The following SYTL2 variants were observed in gnomAD, a reference collection of about 807,000 sequenced individuals.
SYTL2 encodes the protein synaptotagmin like 2, also known as synaptotagmin-like protein 2.
Under a neutral mutation model 198.7 loss-of-function variants are expected in SYTL2, and 165 were observed. The observed-to-expected ratio is 0.83, with a 90% CI of 0.73 to 0.94. The LOEUF (loss-of-function observed/expected upper bound fraction) is 0.94. SYTL2 is among the 40% of genes least tolerant of loss of function. SYTL2 has a pLI of 0.00. For missense variants in SYTL2, 2,835 were observed against 2,582.8 expected (o/e 1.10, Z -2.12); for synonymous variants, 966 against 917.7 (o/e 1.05, Z -0.95).
chr11:85,833,317 TA>T, the SYTL2 span, among the ~76,000 whole-genome samples: 1 of 148,262 alleles, frequency 6.7e-6, no homozygotes, highest in Non-Finnish European at 1.5e-5. Flanking sequence ...ATCATATATA[TA>T]CACAATATAT....
chr11:85,844,877 C>T, the SYTL2 span, among the ~76,000 whole-genome samples: 2 of 152,150 alleles, frequency 1.3e-5, no homozygotes, highest in African/African-American at 4.8e-5. Flanking sequence ...TCAGAGGACC[C>T]GCCATGATTT....
At chr11:85,717,556 T>G (rs760018117) in intron 10 of SYTL2, 26 bp from the exon 11 acceptor site, 27 of 1,592,476 alleles carry the variant, frequency 1.7e-5, no homozygotes, top group Non-Finnish European at 2.2e-5. Flanking sequence ...ACATTGAGAA[T>G]AAATACCATT....
intron 11 of SYTL2, chr11:85,716,135 A>G (rs2153440250): frequency 6.6e-6 from 1 of 152,324 alleles, no homozygotes; most frequent in South Asian, 2.1e-4. Context: ...ATCATGAATA[A>G]AGATACAGAT....
chr11:85,766,423 T>A (rs911937291), intron 1 of SYTL2, among the ~76,000 whole-genome samples: 4 of 152,218 alleles, frequency 2.6e-5, no homozygotes, highest in Admixed American at 2.6e-4. Flanking sequence ...GACGGCAGTC[T>A]ACAAAAGGGG....
At chr11:85,789,338 GTGTATA>G (rs1410184386) in intron 1 of SYTL2, among the ~76,000 whole-genome samples, 17 of 27,090 alleles carry the variant, frequency 6.3e-4, no homozygotes, top group Non-Finnish European at 1.1e-3. Flanking sequence ...GTGTGTGTGT[GTGTATA>G]TATATATATA....
At position 85,734,686 on chromosome 11, in the gene SYTL2, A is replaced by G; in HGVS notation, c.643T>C (p.Leu215=). Residue 215 remains leucine (L), a synonymous_variant, in exon 7 of 20, where the codon TTA becomes CTA. Coordinates refer to ENST00000359152, the MANE Select transcript of SYTL2 (RefSeq NM_206927.4). The part of the protein sequence containing the change: ...STVADTSIQK[L]EKSKQTLPGL... ...GGCAAAGTCTGCTTTGATTTCTCTA[A>G]CTTTTGGATTGAAGTATCTGCGACA... The G allele has an allele frequency of 1.2e-6, 2 of 1,613,962 alleles. No individual in the cohort carries two copies. The highest frequency in any genetic ancestry group is 1.7e-6 in the Non-Finnish European group (2 of 1,179,962).
At chr11:85,796,022 T>C (rs988967777) in intron 1 of SYTL2, among the ~76,000 whole-genome samples, 5 of 152,204 alleles carry the variant, frequency 3.3e-5, no homozygotes, top group Non-Finnish European at 7.3e-5. Flanking sequence ...AGCCTTAACA[T>C]TCACTGAGGC....
At chr11:85,840,831 C>A in the SYTL2 span, among the ~76,000 whole-genome samples, 1 of 152,032 alleles carries the variant, frequency 6.6e-6, no homozygotes, top group African/African-American at 2.4e-5. Flanking sequence ...ATGAAGACAC[C>A]AAAAGCAATT....
Position 85,711,569 on chromosome 11 carries a change from A to T in SYTL2, c.5626-337T>A, listed in dbSNP as rs968952540. Among the ~76,000 whole-genome samples, 11 of 152,272 alleles carry T rather than the reference A, an allele frequency of 7.2e-5. No homozygotes were observed. In the South Asian group the frequency reaches 8.3e-4, roughly 11 times the overall value. ...TATATTTATTTGCCTGGGGAACTCT[A>T]TTGGTATATATGAGAAATTAACTTT... On this transcript the variant is annotated intron_variant, in intron 12 of 19. Transcript: ENST00000359152.
At chr11:85,730,610 A>G (rs967692842) in intron 7 of SYTL2, among the ~76,000 whole-genome samples, 2 of 152,170 alleles carry the variant, frequency 1.3e-5, no homozygotes, top group Non-Finnish European at 2.9e-5. Context: ...AATAAAAGCT[A>G]TTTATAACAA....
At chr11:85,758,245 T>C (rs1003244156) in intron 1 of SYTL2, 131 bp from the exon 2 acceptor site, 1 of 152,718 alleles carries the variant, frequency 6.5e-6, no homozygotes, top group Non-Finnish European at 1.5e-5. Context: ...TCAGCCAGCT[T>C]CCTGAGCAAA....
Position 85,726,066 on chromosome 11 carries a change from T to A in SYTL2, c.3292A>T (p.Ile1098Phe). 6.2e-7 allele frequency: 1 copy of A among 1,613,404 alleles called. No individual in the cohort carries two copies. The highest frequency in any genetic ancestry group is 1.3e-5 in the African/African-American group (1 of 75,028). ...TCTTCCTTAAACACTGGAGTAACAATCCCTTCCGTATTCTTTTCCACATTT... is the reference window on the plus strand; with the variant it reads ...TCTTCCTTAAACACTGGAGTAACAAACCCTTCCGTATTCTTTTCCACATTT... ...KENVEKNTEG[I>F]VTPVFKEEKD... The change falls in exon 8 of 20, where the codon ATT becomes TTT. Residue 1098 changes from isoleucine to phenylalanine, a missense_variant. By Grantham distance (21) the Ile-to-Phe change is conservative. Coordinates refer to ENST00000359152, the MANE Select transcript of SYTL2 (RefSeq NM_206927.4).
At chr11:85,751,584 G>A (rs1735648529) in intron 2 of SYTL2, among the ~76,000 whole-genome samples, 1 of 152,126 alleles carries the variant, frequency 6.6e-6, no homozygotes, top group Admixed American at 6.5e-5. Context: ...TGGGCTGGTG[G>A]GCAGAAGTGA....
the SYTL2 span, among the ~76,000 whole-genome samples, chr11:85,831,463 T>C: frequency 6.6e-6 from 1 of 152,178 alleles, no homozygotes; most frequent in Non-Finnish European, 1.5e-5. Flanking sequence ...TGTCCTCAAG[T>C]TGAAGCCAAA....
intron 1 of SYTL2, among the ~76,000 whole-genome samples, chr11:85,786,330 A>G (rs2092635251): frequency 6.6e-6 from 1 of 152,220 alleles, no homozygotes. Context: ...ACTGGTCAGT[A>G]TCTGGCCAGT....
At chr11:85,782,684 C>A (rs2092580326) in intron 1 of SYTL2, among the ~76,000 whole-genome samples, 1 of 152,198 alleles carries the variant, frequency 6.6e-6, no homozygotes, top group East Asian at 1.9e-4. Flanking sequence ...ATCTTGAACA[C>A]TTTACCGCTT....
chr11:85,844,816 G>A, the SYTL2 span, among the ~76,000 whole-genome samples: 1 of 152,076 alleles, frequency 6.6e-6, no homozygotes, highest in Non-Finnish European at 1.5e-5. Context: ...CTCTACACTT[G>A]CCAGAGTGAA....
chr11:85,777,812 CTTTTTT>C (rs57873368), intron 1 of SYTL2, among the ~76,000 whole-genome samples: 4,787 of 63,346 alleles, frequency 0.076, 276 homozygotes, highest in African/African-American at 0.25. Flanking sequence ...GGTCTTACTT[CTTTTTT>C]TTTTTTTTTT....
intron 12 of SYTL2, 26 bp from the exon 13 acceptor site, chr11:85,711,258 A>C: frequency 6.2e-7 from 1 of 1,603,768 alleles, no homozygotes; most frequent in Non-Finnish European, 8.5e-7. Context: ...TAATATGCAC[A>C]ATATTTAAAT....
Sources: gnomAD v4.1 joint callset for allele counts (sites outside exome capture counted in the v4.1 genomes callset) on GRCh38, gnomAD v4.1.1 for gene constraint, MANE v1.5 for transcripts, NCBI Gene and HGNC (gene_info 2026-07-23, HGNC 2026-07-21) for gene names.